Variants in DGKZ observed in about 807,000 individuals in gnomAD.
DGKZ encodes the protein diacylglycerol kinase zeta.
In DGKZ, 45 loss-of-function variants were observed where a neutral mutation model predicts 142.5. The ratio of observed to expected loss-of-function variants is 0.32; its 90% confidence interval spans 0.25 to 0.40. DGKZ has a LOEUF of 0.40. DGKZ is among the 10% of genes least tolerant of loss of function. The pLI, the probability that DGKZ is intolerant of heterozygous loss-of-function variation, is 1.00. For missense variants in DGKZ, 755 were observed against 1,306.5 expected, an observed-to-expected ratio of 0.58 and a Z score of 6.51; for synonymous variants, 442 against 527.0, an observed-to-expected ratio of 0.84 and a Z score of 2.21.
intron 1 of DGKZ, among the ~76,000 whole-genome samples, chr11:46,349,563 A>C (rs2136399892): frequency 6.6e-6 from 1 of 152,076 alleles, no homozygotes; most frequent in African/African-American, 2.4e-5. Flanking sequence ...TGTAAAACAA[A>C]AAAAAACCAA....
upstream of DGKZ, among the ~76,000 whole-genome samples, chr11:46,343,679 C>T (rs745406547): frequency 3.3e-5 from 5 of 152,234 alleles, no homozygotes; most frequent in Non-Finnish European, 7.3e-5. Flanking sequence ...CAGCTCCTAA[C>T]GCATTCCCCC....
At chr11:46,359,628 G>A (rs1942412995) in intron 1 of DGKZ, among the ~76,000 whole-genome samples, 1 of 151,836 alleles carries the variant, frequency 6.6e-6, no homozygotes. Context: ...TTTTGAGATG[G>A]AGTCTCGCTC....
At position 46,367,949 on chromosome 11, in the gene DGKZ, C is replaced by T. The variant is rs1320475230; in HGVS notation, c.367-53C>T. ...GGGCAGCTGTGCTGGGGCAGGCAGCCTCCGAGATAGACTTACCTGGTGCCT... is the reference window on the plus strand; with the variant it reads ...GGGCAGCTGTGCTGGGGCAGGCAGCTTCCGAGATAGACTTACCTGGTGCCT... On this transcript the variant is annotated intron_variant, in intron 3 of 30. Coordinates refer to ENST00000527911, the Ensembl canonical transcript of DGKZ. This position sits in a 1 kb window ranked among gnomAD's most constrained non-coding sequence, Gnocchi z 4.1. The T allele has an allele frequency of 6.2e-7, 1 of 1,600,442 alleles. No homozygotes were observed. The highest frequency in any genetic ancestry group is 1.1e-5 in the South Asian group (1 of 90,762).
At chr11:46,373,094 C>T in exon 14 of DGKZ, 1 of 1,543,698 alleles carries the variant, frequency 6.5e-7, no homozygotes, top group Non-Finnish European at 8.7e-7. Context: ...GAAGGCGCCA[C>T]CGACCGGGTA....
Position 46,371,613 on chromosome 11 carries a change from G to A in DGKZ, c.759+10G>A, listed in dbSNP as rs1407663640. On this transcript the variant is annotated intron_variant, in intron 8 of 30. Transcript: ENST00000527911. The stretch of plus-strand genomic sequence containing the variant: ...CGCCCGGAGGCCCCAGGTGAGTACT[G>A]CCTGCACCCTTGATGCCCCGTACGC... The A allele has an allele frequency of 1.2e-6, 2 of 1,613,000 alleles. No individual in the cohort carries two copies. The highest frequency in any genetic ancestry group is 2.2e-5 in the East Asian group (1 of 44,874).
In DGKZ at chr11:46,347,945, C is replaced by T; in HGVS notation, c.161+125C>T. 1.6e-6 allele frequency: 2 copies of T among 1,218,290 alleles called. No homozygotes were observed. 75.5% of individuals were successfully genotyped at this position (1,218,290 alleles called of 1,614,324 possible). A position where few individuals can be genotyped will look rare whatever the true frequency, so the allele number is the denominator to read the frequency against. ...GTACTGACACTGAGTCGGGGAGAGG[C>T]TGGCACCGGCGGCACGAGCCGTCTT... On this transcript the variant is annotated intron_variant, in intron 1 of 30. Coordinates refer to ENST00000527911, the Ensembl canonical transcript of DGKZ. The surrounding 1 kb of genome is among the most constrained non-coding windows in gnomAD (Gnocchi z 6.4).
chr11:46,377,268 C>T (rs922599241), intron 25 of DGKZ, 56 bp downstream of exon 25: 8 of 1,524,896 alleles, frequency 5.2e-6, no homozygotes, highest in South Asian at 1.3e-5. Context: ...ACCTGTAAGC[C>T]GATGACTTCT....
In DGKZ at chr11:46,347,911, G is replaced by T. The variant is rs1940864192; in HGVS notation, c.161+91G>T. ...CATTCCTCGGCCACTGGGGGTCCGG[G>T]CCACTTCGGTACTGACACTGAGTCG... On this transcript the variant is annotated intron_variant, in intron 1 of 30. Transcript: ENST00000527911. The surrounding 1 kb of genome is among the most constrained non-coding windows in gnomAD (Gnocchi z 6.4). 1 of 1,260,736 alleles carries T rather than the reference G, an allele frequency of 7.9e-7. No homozygotes were observed. The highest frequency in any genetic ancestry group is 1.0e-6 in the Non-Finnish European group (1 of 1,000,300). 78.1% of individuals were successfully genotyped at this position (1,260,736 alleles called of 1,614,324 possible). A position where few individuals can be genotyped will look rare whatever the true frequency, so the allele number is the denominator to read the frequency against.
At chr11:46,348,924 C>A (rs996452292) in intron 1 of DGKZ, among the ~76,000 whole-genome samples, 4 of 152,212 alleles carry the variant, frequency 2.6e-5, no homozygotes, top group African/African-American at 9.6e-5. Context: ...GCCTCCCTCT[C>A]ACTTTTCTGC....
At chr11:46,376,014 TG>T in intron 21 of DGKZ, 51 bp from the exon 22 acceptor site, 2 of 1,611,852 alleles carry the variant, frequency 1.2e-6, no homozygotes. Context: ...GGGGCCCCCT[TG>T]GGCAGGGCTG....
At chr11:46,353,486 G>A (rs1320020847) in intron 1 of DGKZ, among the ~76,000 whole-genome samples, 1 of 152,240 alleles carries the variant, frequency 6.6e-6, no homozygotes, top group East Asian at 1.9e-4. Context: ...GGAGCAGGCT[G>A]GACTGGGAGA....
In DGKZ at chr11:46,378,248, G is replaced by T; in HGVS notation, c.2374+19G>T. Reference sequence around the variant, plus strand: ...CCTCAAGGTGAGGCCTCTCCCTCTGGGGCCCCTCCTTTCTGCCTGGTTGGG... The same window carrying T: ...CCTCAAGGTGAGGCCTCTCCCTCTGTGGCCCCTCCTTTCTGCCTGGTTGGG... On this transcript the variant is annotated intron_variant, in intron 26 of 30. Transcript: ENST00000527911. 6.2e-7 allele frequency: 1 copy of T among 1,600,010 alleles called. No individual in the cohort carries two copies. Among genetic ancestry groups the T allele is most frequent in the Non-Finnish European group, 8.5e-7 (1 of 1,173,450 alleles).
intron 1 of DGKZ, chr11:46,366,590 G>A (rs778292991): frequency 5.0e-6 from 8 of 1,607,622 alleles, no homozygotes; most frequent in South Asian, 2.2e-5. Flanking sequence ...GCTGTTGACC[G>A]GGCTTGTGGG....
At chr11:46,369,284 G>C (rs975599995) in intron 4 of DGKZ, 4 of 642,810 alleles carry the variant, frequency 6.2e-6, no homozygotes, top group Non-Finnish European at 1.1e-5. Context: ...CTGGGTGGAA[G>C]AAGGAAAGAT....
intron 6 of DGKZ, among the ~76,000 whole-genome samples, chr11:46,370,768 T>C (rs34830450): frequency 6.6e-6 from 1 of 152,140 alleles, no homozygotes; most frequent in East Asian, 1.9e-4. Context: ...GCTTATCTTA[T>C]ACATATTTTT....
chr11:46,379,653 G>C, intron 30 of DGKZ, 85 bp downstream of exon 30: 3 of 1,368,904 alleles, frequency 2.2e-6, no homozygotes, highest in Admixed American at 4.7e-5. Context: ...GCTGGGGGCT[G>C]TCCCTGGGAA....
chr11:46,379,084 G>T, exon 28 of DGKZ: 1 of 1,604,482 alleles, frequency 6.2e-7, no homozygotes. Context: ...TGGCAGCAAG[G>T]ATGTGGTCCG....
At chr11:46,378,417 G>C (rs1050914314) in intron 26 of DGKZ, 40 bp from the exon 27 acceptor site, 4 of 1,567,194 alleles carry the variant, frequency 2.6e-6, no homozygotes, top group Non-Finnish European at 3.5e-6. Flanking sequence ...CCCAAGCCCA[G>C]GCCTCCGACT....
Position 46,372,999 on chromosome 11 carries a change from C to T in DGKZ, c.1224C>T (p.His408=), listed in dbSNP as rs1385756020. The T allele has an allele frequency of 9.1e-6, 14 of 1,538,392 alleles. No homozygotes were observed. The highest frequency in any genetic ancestry group is 1.2e-5 in the Non-Finnish European group (14 of 1,137,916). Reference sequence around the variant, plus strand: ...AGCCTGTGTCCAAGATCCTCTCCCACGTGGAGGAGGGGAACGTGGTACAGC... The same window carrying T: ...AGCCTGTGTCCAAGATCCTCTCCCATGTGGAGGAGGGGAACGTGGTACAGC... The change falls in exon 14 of 31, where the codon CAC becomes CAT. Residue 408 remains histidine (H), a synonymous_variant. Transcript: ENST00000527911. The surrounding 1 kb of genome is among the most constrained non-coding windows in gnomAD (Gnocchi z 5.9).
Sources: allele counts gnomAD v4.1 joint callset (sites outside exome capture counted in the v4.1 genomes callset), GRCh38; gene constraint gnomAD v4.1.1; non-coding constraint Gnocchi (gnomAD v3.1); transcripts MANE v1.5; gene names NCBI Gene and HGNC (gene_info 2026-07-23, HGNC 2026-07-21).